Variants in CCDC102A observed in about 807,000 individuals in gnomAD.
CCDC102A encodes the protein coiled-coil domain-containing protein 102A.
A neutral mutation model predicts 55.5 loss-of-function variants in CCDC102A; 40 were observed. That is an observed-to-expected ratio of 0.72 (90% confidence interval 0.56 to 0.94). The LOEUF (loss-of-function observed/expected upper bound fraction) is 0.94. CCDC102A is among the 40% of genes least tolerant of loss of function. CCDC102A has a pLI of 0.00. For missense variants in CCDC102A, 779 were observed against 768.6 expected (o/e 1.01, Z -0.16); for synonymous variants, 323 against 339.0 (o/e 0.95, Z 0.52).
chr16:57,529,286 T>C lies in CCDC102A; in HGVS notation c.-109A>G. The C allele has an allele frequency of 9.0e-7, 1 of 1,115,728 alleles. No homozygotes were observed. Among genetic ancestry groups the C allele is most frequent in the Admixed American group, 5.0e-5 (1 of 19,930 alleles). 69.1% of individuals were successfully genotyped at this position (1,115,728 alleles called of 1,614,324 possible). A position where few individuals can be genotyped will look rare whatever the true frequency, so the allele number is the denominator to read the frequency against. ...TGTGCATGATGACGCCGTGCCCCGC[T>C]TCCCTCTGGGCCACCGGGCGGAGGA... On this transcript the variant is annotated 5_prime_UTR_variant, in exon 2 of 9. Coordinates refer to ENST00000258214, the MANE Select transcript of CCDC102A (RefSeq NM_033212.4). The surrounding 1 kb of genome is among the most constrained non-coding windows in gnomAD (Gnocchi z 4.1).
intron 1 of CCDC102A, among the ~76,000 whole-genome samples, chr16:57,535,301 G>T (rs1228152034): frequency 6.6e-6 from 1 of 152,156 alleles, no homozygotes; most frequent in Non-Finnish European, 1.5e-5. Flanking sequence ...TAAGCCCAGG[G>T]GTAGGCACCC....
In CCDC102A at chr16:57,526,666, C is replaced by T. The variant is rs193008482; in HGVS notation, c.586-539G>A. Among the ~76,000 whole-genome samples the T allele has an allele frequency of 7.9e-5, 12 of 152,278 alleles. No individual in the cohort carries two copies. The East Asian group carries it at 1.4e-3, about 17-fold the overall frequency. On this transcript the variant is annotated intron_variant, in intron 2 of 8. Transcript: ENST00000258214. ...GCCATCCTGCCCTTCTTCTCCGCCC[C>T]GCCCATCTCCAAGGCCTGTCTCTGA... is the stretch of plus-strand genomic sequence containing the variant.
chr16:57,525,870 G>T, intron 3 of CCDC102A, 31 bp downstream of exon 3: 1 of 1,598,376 alleles, frequency 6.3e-7, no homozygotes, highest in Non-Finnish European at 8.6e-7. Context: ...CCTGGCCCTG[G>T]CCCTGCCCCC....
intron 2 of CCDC102A, among the ~76,000 whole-genome samples, chr16:57,526,525 T>G (rs76622486): frequency 0.015 from 2,326 of 152,208 alleles, 63 homozygotes; most frequent in African/African-American, 0.054. Flanking sequence ...CAGGGGCAAA[T>G]AGTAAGGCAT....
chr16:57,517,211 G>T lies in CCDC102A; in HGVS notation c.1249-748C>A, dbSNP rs114573303. Among the ~76,000 whole-genome samples, 1,270 of 152,146 alleles carry T rather than the reference G, an allele frequency of 8.3e-3. 18 individuals carry two copies. Among genetic ancestry groups the T allele is most frequent in the African/African-American group, 0.026 (1,067 of 41,490 alleles). Reference sequence around the variant, plus strand: ...CCCGCTCACTCCCCTCCAGCACACTGGACTTGTTCCTCCAAAGCTCTGTGT... The same window carrying T: ...CCCGCTCACTCCCCTCCAGCACACTTGACTTGTTCCTCCAAAGCTCTGTGT... On this transcript the variant is annotated intron_variant, in intron 6 of 8. Coordinates refer to ENST00000258214, the MANE Select transcript of CCDC102A (RefSeq NM_033212.4).
chr16:57,518,415 G>T, intron 5 of CCDC102A, 138 bp from the exon 6 acceptor site: 1 of 877,280 alleles, frequency 1.1e-6, no homozygotes, highest in Non-Finnish European at 1.7e-6. Context: ...ATTAAGCTGG[G>T]CTCATTTCAT....
Position 57,526,054 on chromosome 16 carries a change from A to G in CCDC102A, c.659T>C (p.Leu220Pro). 1 of 1,592,584 alleles carries G rather than the reference A, an allele frequency of 6.3e-7. No individual in the cohort carries two copies. Residue 220 changes from leucine (L) to proline (P), a missense_variant, in exon 3 of 9, where the codon CTG (leucine) becomes CCG (proline). Coordinates refer to ENST00000258214, the MANE Select transcript of CCDC102A (RefSeq NM_033212.4). ...ESEDCWEARS[L>P]GAGGPRGSSG... ...GCTGCCCCGCGGGCCCCCAGCCCCC[A>G]GGCTGCGCGCCTCCCAGCAGTCCTC...
rs143871379 is a variant in CCDC102A at position 57,535,250 on chromosome 16, C to T, written c.-148+1250G>A. 7.8e-3 allele frequency among the ~76,000 whole-genome samples: 1,192 copies of T among 152,218 alleles called. 7 individuals are homozygous for T. The highest frequency in any genetic ancestry group is 0.014 in the Middle Eastern group (4 of 294). On this transcript the variant is annotated intron_variant, in intron 1 of 8. Transcript: ENST00000258214. ...AGGACCTCTGGGGGGAGCTGGCTGG[C>T]GGGAAAGGAAGGGATGGCGGCTAGG...
At chr16:57,520,631 A>T (rs1275878832) in intron 4 of CCDC102A, among the ~76,000 whole-genome samples, 5 of 150,182 alleles carry the variant, frequency 3.3e-5, no homozygotes, top group Admixed American at 2.0e-4. Context: ...TAAAATAAAT[A>T]AAAATAAATA....
chr16:57,518,746 A>G lies in CCDC102A; in HGVS notation c.922-5T>C, dbSNP rs1404079456. On this transcript the variant is annotated splice_region_variant and splice_polypyrimidine_tract_variant and intron_variant, in intron 4 of 8. Coordinates refer to ENST00000258214, the MANE Select transcript of CCDC102A (RefSeq NM_033212.4). ...CGCCTCCTTCAGGATGCTGAGCTGC[A>G]GGGATAAGGCCCCACCTGGTCATGA... The G allele has an allele frequency of 1.3e-6, 2 of 1,594,424 alleles. No individual in the cohort carries two copies. Among genetic ancestry groups the G allele is most frequent in the African/African-American group, 2.7e-5 (2 of 74,466 alleles).
At position 57,528,687 on chromosome 16, in the gene CCDC102A, C is replaced by T; in HGVS notation, c.491G>A (p.Arg164Gln). Reference sequence around the variant, plus strand: ...GTCGCGCGTCTGGTCGGCGACCCCCCGGGCGCCCCTCAGCCGCGCCAGCTC... The same window carrying T: ...GTCGCGCGTCTGGTCGGCGACCCCCTGGGCGCCCCTCAGCCGCGCCAGCTC... ...GRELARLRGA[R>Q]GVADQTRDGP... The change falls in exon 2 of 9, where the codon CGG becomes CAG. Residue 164 changes from arginine to glutamine, a missense_variant. Transcript: ENST00000258214. The T allele has an allele frequency of 8.9e-7, 1 of 1,125,174 alleles. No individual in the cohort carries two copies. Among genetic ancestry groups the T allele is most frequent in the Non-Finnish European group, 1.1e-6 (1 of 915,794 alleles). 69.7% of individuals were successfully genotyped at this position (1,125,174 alleles called of 1,614,324 possible).
At chr16:57,532,328 C>T (rs1369425062) in intron 1 of CCDC102A, among the ~76,000 whole-genome samples, 8 of 152,296 alleles carry the variant, frequency 5.3e-5, no homozygotes, top group African/African-American at 9.6e-5. Flanking sequence ...ATCTGTGTCA[C>T]GCACCCAGAC....
chr16:57,518,654 C>A lies in CCDC102A; in HGVS notation c.1009G>T (p.Asp337Tyr). ...EDELGARSSM[D>Y]RKMAELRGEM... The stretch of plus-strand genomic sequence containing the variant: ...CCCCTCAGCTCGGCCATTTTCCGGT[C>A]CATGCTGGAGCGTGCACCGAGCTCA... The change falls in exon 5 of 9, where the codon GAC (aspartate) becomes TAC (tyrosine). Residue 337 changes from aspartate to tyrosine, a missense_variant. Asp to Tyr is a radical substitution (Grantham distance 160). Coordinates refer to ENST00000258214, the MANE Select transcript of CCDC102A (RefSeq NM_033212.4). 6.2e-7 allele frequency: 1 copy of A among 1,613,820 alleles called. No individual in the cohort carries two copies. Among genetic ancestry groups the A allele is most frequent in the South Asian group, 1.1e-5 (1 of 91,046 alleles).
chr16:57,512,904 CCT>C, intron 8 of CCDC102A, 34 bp from the exon 9 acceptor site: 2 of 1,597,826 alleles, frequency 1.3e-6, no homozygotes. Flanking sequence ...GTTAGAGCAG[CCT>C]GGCTGGTAGT....
intron 8 of CCDC102A, among the ~76,000 whole-genome samples, chr16:57,515,007 G>A (rs1346063742): frequency 6.6e-6 from 1 of 152,134 alleles, no homozygotes; most frequent in Admixed American, 6.5e-5. Flanking sequence ...CAGTAACGCT[G>A]AGGGCTGCCT....
intron 1 of CCDC102A, among the ~76,000 whole-genome samples, chr16:57,531,805 C>G (rs746056887): frequency 1.3e-5 from 2 of 152,222 alleles, no homozygotes; most frequent in Non-Finnish European, 2.9e-5. Flanking sequence ...CCCTCCTGTT[C>G]TGGCTTCTCC....
At position 57,528,702 on chromosome 16, in the gene CCDC102A, C is replaced by T. The variant is rs1208652254; in HGVS notation, c.476G>A (p.Arg159Gln). 8.9e-7 allele frequency: 1 copy of T among 1,121,924 alleles called. No individual in the cohort carries two copies. The highest frequency in any genetic ancestry group is 1.1e-6 in the Non-Finnish European group (1 of 913,018). 69.5% of individuals were successfully genotyped at this position (1,121,924 alleles called of 1,614,324 possible). ...GGCGACCCCCCGGGCGCCCCTCAGC[C>T]GCGCCAGCTCGCGGCCCCGTGCCTC... is the stretch of plus-strand genomic sequence containing the variant. The part of the protein sequence containing the change: ...ECEARGRELA[R>Q]LRGARGVADQ... Residue 159 changes from arginine (R) to glutamine (Q), a missense_variant, in exon 2 of 9, where the codon CGG (arginine) becomes CAG (glutamine). Physicochemically the swap from Arg to Gln is conservative, Grantham distance 43. Coordinates refer to ENST00000258214, the MANE Select transcript of CCDC102A (RefSeq NM_033212.4).
chr16:57,525,823 T>A, intron 3 of CCDC102A, 78 bp downstream of exon 3: 1 of 1,290,500 alleles, frequency 7.7e-7, no homozygotes, highest in Non-Finnish European at 1.1e-6. Context: ...TCTTCGTGAG[T>A]CTAATGTTCT....
intron 1 of CCDC102A, among the ~76,000 whole-genome samples, chr16:57,532,047 G>C (rs1407668982): frequency 6.6e-6 from 1 of 152,152 alleles, no homozygotes; most frequent in Non-Finnish European, 1.5e-5. Context: ...GCCCAGCTCT[G>C]ACACCAACCT....
Sources: allele counts gnomAD v4.1 joint callset (sites outside exome capture counted in the v4.1 genomes callset), GRCh38; gene constraint gnomAD v4.1.1; non-coding constraint Gnocchi (gnomAD v3.1); transcripts MANE v1.5; gene names NCBI Gene and HGNC (gene_info 2026-07-23, HGNC 2026-07-21).